SEMA6D: variants seen among roughly 807,000 people sequenced by gnomAD.
SEMA6D encodes the protein semaphorin-6D.
A neutral mutation model predicts 106.6 loss-of-function variants in SEMA6D; 35 were observed. The observed-to-expected ratio is 0.33, with a 90% CI of 0.25 to 0.44. The LOEUF (loss-of-function observed/expected upper bound fraction) is 0.44. SEMA6D is among the 20% of genes least tolerant of loss of function. SEMA6D has a pLI of 1.00. For synonymous variants in SEMA6D, 499 were observed against 487.7 expected, an observed-to-expected ratio of 1.02 and a Z score of -0.31; for missense variants, 1,185 against 1,345.9, an observed-to-expected ratio of 0.88 and a Z score of 1.87.
chr15:47,733,796 T>C (rs1423946828), intron 1 of SEMA6D, among the ~76,000 whole-genome samples: 2 of 152,250 alleles, frequency 1.3e-5, no homozygotes, highest in Non-Finnish European at 2.9e-5. Context: ...TTTTGGTTTT[T>C]ATATTTACTA....
chr15:47,355,094 T>C (rs1236370305), intron 1 of SEMA6D, among the ~76,000 whole-genome samples: 1 of 152,166 alleles, frequency 6.6e-6, no homozygotes, highest in Non-Finnish European at 1.5e-5. Flanking sequence ...TTCTGTGTTC[T>C]GAAATTATTT....
intron 2 of SEMA6D, among the ~76,000 whole-genome samples, chr15:47,441,731 C>T (rs1400864844): frequency 6.6e-6 from 1 of 151,906 alleles, no homozygotes; most frequent in Non-Finnish European, 1.5e-5. Context: ...GTGTTTCCAA[C>T]CATAATATTG....
intron 1 of SEMA6D, among the ~76,000 whole-genome samples, chr15:47,408,739 G>T (rs2040683224): frequency 6.6e-6 from 1 of 152,206 alleles, no homozygotes; most frequent in Non-Finnish European, 1.5e-5. Flanking sequence ...TTTAACGAAA[G>T]CAATTTGGAT....
chr15:47,667,480 C>T (rs1213380182), intron 4 of SEMA6D, among the ~76,000 whole-genome samples: 7 of 152,232 alleles, frequency 4.6e-5, no homozygotes, highest in Admixed American at 6.5e-5. Flanking sequence ...ACACTATCCC[C>T]TCTGCGGTAT....
chr15:47,514,603 A>G (rs778459918), intron 3 of SEMA6D, among the ~76,000 whole-genome samples: 2 of 152,194 alleles, frequency 1.3e-5, no homozygotes, highest in African/African-American at 2.4e-5. Context: ...TCAGAAAACT[A>G]TGAAAGCTAT....
chr15:47,667,774 C>T (rs1279481940), intron 4 of SEMA6D, among the ~76,000 whole-genome samples: 1 of 152,214 alleles, frequency 6.6e-6, no homozygotes, highest in South Asian at 2.1e-4. Context: ...CAAATACCAG[C>T]CCATTAAGGA....
intron 2 of SEMA6D, among the ~76,000 whole-genome samples, chr15:47,447,712 C>T (rs989767798): frequency 6.6e-6 from 1 of 152,084 alleles, no homozygotes; most frequent in Non-Finnish European, 1.5e-5. Context: ...TAATCAAACC[C>T]AAGGAGGGGG....
intron 3 of SEMA6D, among the ~76,000 whole-genome samples, chr15:47,552,889 TAAATA>T (rs1482956456): frequency 6.8e-5 from 1 of 14,724 alleles, no homozygotes; most frequent in Non-Finnish European, 1.3e-4. Context: ...TAAATATATA[TAAATA>T]TATATATATA....
In SEMA6D at chr15:47,624,796, G is replaced by A. The variant is rs145084443; in HGVS notation, c.-55+23900G>A. Among the ~76,000 whole-genome samples, 615 of 152,240 alleles carry A rather than the reference G, an allele frequency of 4.0e-3. 4 individuals are homozygous for A. Among genetic ancestry groups the A allele is most frequent in the African/African-American group, 0.014 (591 of 41,558 alleles). ...GGCTTGATATATTTGGCTGGGAAGGGAATTTTACCTCCACCATGGCTTTAG... is the reference window on the plus strand; with the variant it reads ...GGCTTGATATATTTGGCTGGGAAGGAAATTTTACCTCCACCATGGCTTTAG... On this transcript the variant is annotated intron_variant, in intron 4 of 19. Coordinates refer to the SEMA6D transcript ENST00000558014.
chr15:47,471,899 G>A (rs61998615), intron 3 of SEMA6D, among the ~76,000 whole-genome samples: 5,914 of 138,960 alleles, frequency 0.043, 161 homozygotes, highest in Middle Eastern at 0.098. Context: ...ACCTGGCTGT[G>A]CTCTTTCTCT....
At chr15:47,266,731 C>A (rs1304310936) in intron 1 of SEMA6D, among the ~76,000 whole-genome samples, 1 of 152,016 alleles carries the variant, frequency 6.6e-6, no homozygotes, top group African/African-American at 2.4e-5. Flanking sequence ...AGGAAGATAA[C>A]CATCTAGGAG....
rs181764272 is a variant in SEMA6D, at chr15:47,539,337, A to C, written c.-86-61528A>C. ...ATAGGCTCACATAATCAAAAGATTTATAATGTTATATTAATGCAATTTTAA... is the reference window on the plus strand; with the variant it reads ...ATAGGCTCACATAATCAAAAGATTTCTAATGTTATATTAATGCAATTTTAA... On this transcript the variant is annotated intron_variant, in intron 3 of 19. Coordinates refer to the SEMA6D transcript ENST00000558014. Among the ~76,000 whole-genome samples, 5 of 152,272 alleles carry C rather than the reference A, an allele frequency of 3.3e-5. No individual in the cohort carries two copies. In the East Asian group the frequency reaches 9.7e-4, roughly 29 times the overall value.
At chr15:47,385,631 T>G (rs1033471398) in intron 1 of SEMA6D, among the ~76,000 whole-genome samples, 7 of 151,866 alleles carry the variant, frequency 4.6e-5, no homozygotes, top group African/African-American at 1.2e-4. Flanking sequence ...ATCTGCTTAC[T>G]CCCCCAAGAA....
intron 1 of SEMA6D, among the ~76,000 whole-genome samples, chr15:47,742,438 C>T (rs1309013505): frequency 6.6e-6 from 1 of 152,104 alleles, no homozygotes; most frequent in Non-Finnish European, 1.5e-5. Flanking sequence ...CACTGGCCTC[C>T]GTTCCCTCTT....
chr15:47,576,353 G>T (rs1452502607), intron 3 of SEMA6D, among the ~76,000 whole-genome samples: 1 of 152,202 alleles, frequency 6.6e-6, no homozygotes, highest in Non-Finnish European at 1.5e-5. Flanking sequence ...TGGGAGTGGG[G>T]GCTAGAGCAG....
intron 4 of SEMA6D, among the ~76,000 whole-genome samples, chr15:47,604,372 G>GA (rs1183134648): frequency 1.3e-5 from 2 of 152,162 alleles, no homozygotes; most frequent in Middle Eastern, 3.2e-3. Context: ...AAACTTAAGA[G>GA]AAAAATAAAG....
intron 1 of SEMA6D, among the ~76,000 whole-genome samples, chr15:47,314,597 C>CAAAAAAAAAA (rs764929520): frequency 4.1e-5 from 1 of 24,300 alleles, no homozygotes; most frequent in Non-Finnish European, 1.1e-4. Context: ...GACTCCATCT[C>CAAAAAAAAAA]AAAAAAAAAA....
Position 47,649,973 on chromosome 15 carries a change from G to T in SEMA6D, c.-55+49077G>T, listed in dbSNP as rs576906319. On this transcript the variant is annotated intron_variant, in intron 4 of 19. Coordinates refer to the SEMA6D transcript ENST00000558014. ...AACATAGCTGCTTACTATCTCGAGGGAATAAAACAGAATTTGGAAGCTGGA... is the reference window on the plus strand; with the variant it reads ...AACATAGCTGCTTACTATCTCGAGGTAATAAAACAGAATTTGGAAGCTGGA... 3.9e-5 allele frequency among the ~76,000 whole-genome samples: 6 copies of T among 152,246 alleles called. No individual in the cohort carries two copies. The South Asian group carries it at 1.2e-3, about 32-fold the overall frequency.
intron 1 of SEMA6D, among the ~76,000 whole-genome samples, chr15:47,319,492 G>A (rs2036838008): frequency 6.6e-6 from 1 of 151,952 alleles, no homozygotes; most frequent in African/African-American, 2.4e-5. Context: ...TGAATACATT[G>A]GTCTCTAGAC....
Sources: allele counts gnomAD v4.1 joint callset (sites outside exome capture counted in the v4.1 genomes callset), GRCh38; gene constraint gnomAD v4.1.1; transcripts MANE v1.5; gene names NCBI Gene and HGNC (gene_info 2026-07-23, HGNC 2026-07-21).